BAZ2B: variants seen among roughly 807,000 people sequenced by gnomAD.
BAZ2B encodes the protein bromodomain adjacent to zinc finger domain 2B.
In BAZ2B, 91 loss-of-function variants were observed where a neutral mutation model predicts 246.0. The ratio of observed to expected loss-of-function variants is 0.37; its 90% confidence interval spans 0.31 to 0.44. BAZ2B has a LOEUF of 0.44. Among genes scored for constraint, BAZ2B ranks in the 20% least tolerant of loss-of-function variants. BAZ2B has a pLI of 1.00. For synonymous variants in BAZ2B, 855 were observed against 860.0 expected, an observed-to-expected ratio of 0.99 and a Z score of 0.10; for missense variants, 2,332 against 2,533.7, an observed-to-expected ratio of 0.92 and a Z score of 1.71.
At chr2:159,349,611 T>C (rs2058345111) in intron 28 of BAZ2B, 97 bp downstream of exon 28, 1 of 1,299,968 alleles carries the variant, frequency 7.7e-7, no homozygotes, top group African/African-American at 1.5e-5. Context: ...GCAGGAATAT[T>C]TTAACTATCT....
At chr2:159,597,360 A>G (rs1165321566) in intron 1 of BAZ2B, among the ~76,000 whole-genome samples, 3 of 152,152 alleles carry the variant, frequency 2.0e-5, no homozygotes, top group African/African-American at 7.2e-5. Flanking sequence ...TTCATCTTCA[A>G]TGTGAAAGGC....
chr2:159,507,258 A>C (rs775678412), intron 2 of BAZ2B, among the ~76,000 whole-genome samples: 62 of 152,290 alleles, frequency 4.1e-4, no homozygotes, highest in Admixed American at 1.5e-3. Context: ...CATTAAAGAG[A>C]AGTACAAAAC....
chr2:159,595,936 T>C (rs565366110), intron 1 of BAZ2B, among the ~76,000 whole-genome samples: 1 of 152,370 alleles, frequency 6.6e-6, no homozygotes, highest in East Asian at 1.9e-4. Flanking sequence ...CTTCCACCAC[T>C]TGGCTACGCT....
chr2:159,648,659 T>C, the BAZ2B span, among the ~76,000 whole-genome samples: 1 of 152,260 alleles, frequency 6.6e-6, no homozygotes, highest in African/African-American at 2.4e-5. Context: ...TTGTTCGTTC[T>C]CTTTTATTGC....
chr2:159,577,903 A>G (rs903898099), intron 1 of BAZ2B, among the ~76,000 whole-genome samples: 1 of 152,220 alleles, frequency 6.6e-6, no homozygotes, highest in Admixed American at 6.5e-5. Flanking sequence ...ATGAGAAAAG[A>G]ACTAGTTCAT....
chr2:159,362,354 G>T (rs1413601950), intron 27 of BAZ2B, among the ~76,000 whole-genome samples: 4 of 152,098 alleles, frequency 2.6e-5, no homozygotes, highest in Non-Finnish European at 4.4e-5. Context: ...AAGGTCCCTT[G>T]ATAATGTTTA....
At chr2:159,467,361 G>A (rs1057301052) in intron 3 of BAZ2B, among the ~76,000 whole-genome samples, 1 of 152,176 alleles carries the variant, frequency 6.6e-6, no homozygotes, top group Non-Finnish European at 1.5e-5. Context: ...TAGACTGAAG[G>A]TTTACCAAGA....
chr2:159,396,424 G>A (rs1362766911), intron 19 of BAZ2B: 1 of 152,000 alleles, frequency 6.6e-6, no homozygotes, highest in East Asian at 1.9e-4. Flanking sequence ...CACCACCAAT[G>A]AAATGGGATA....
chr2:159,663,405 G>C, the BAZ2B span, among the ~76,000 whole-genome samples: 4 of 151,540 alleles, frequency 2.6e-5, no homozygotes, highest in East Asian at 7.7e-4. Flanking sequence ...GTTTCACTAT[G>C]TTGGTCAGGC....
the BAZ2B span, among the ~76,000 whole-genome samples, chr2:159,697,121 G>A: frequency 6.6e-6 from 1 of 152,056 alleles, no homozygotes; most frequent in Non-Finnish European, 1.5e-5. Flanking sequence ...ATCTTTATTG[G>A]TTTTCAGAGG....
the BAZ2B span, among the ~76,000 whole-genome samples, chr2:159,647,682 C>T: frequency 6.6e-6 from 1 of 152,110 alleles, no homozygotes; most frequent in Non-Finnish European, 1.5e-5. Context: ...GACAACACAA[C>T]TACATGCTTT....
chr2:159,530,497 T>C (rs1484529346), intron 2 of BAZ2B, among the ~76,000 whole-genome samples: 1 of 152,192 alleles, frequency 6.6e-6, no homozygotes, highest in African/African-American at 2.4e-5. Context: ...AATGCAATAT[T>C]TCTACAAGAA....
At chr2:159,373,388 T>C (rs1000456507) in intron 26 of BAZ2B, among the ~76,000 whole-genome samples, 199 bp from the exon 27 acceptor site, 1 of 152,252 alleles carries the variant, frequency 6.6e-6, no homozygotes. Context: ...AGGATAATTA[T>C]TTTTGTTGCC....
intron 2 of BAZ2B, among the ~76,000 whole-genome samples, chr2:159,529,267 G>A (rs1189264919): frequency 1.3e-5 from 2 of 151,248 alleles, no homozygotes; most frequent in Non-Finnish European, 2.9e-5. Context: ...GGTACCACTG[G>A]TTTGGCAACA....
intron 18 of BAZ2B, 72 bp from the exon 19 acceptor site, chr2:159,397,461 C>A: frequency 2.0e-6 from 2 of 1,011,136 alleles, no homozygotes; most frequent in South Asian, 1.7e-5. Context: ...ATTAAAAGTT[C>A]CTTTTCTGAG....
At chr2:159,345,207 G>A (rs1456021209) in intron 31 of BAZ2B, among the ~76,000 whole-genome samples, 28 of 128,656 alleles carry the variant, frequency 2.2e-4, no homozygotes, top group African/African-American at 4.1e-4. Flanking sequence ...GTGAAACTTG[G>A]TCTCAAAAAA....
chr2:159,513,651 A>C (rs2083153439), intron 2 of BAZ2B, among the ~76,000 whole-genome samples: 1 of 152,110 alleles, frequency 6.6e-6, no homozygotes, highest in African/African-American at 2.4e-5. Flanking sequence ...CCCATCCAGA[A>C]ATCTTTTTGG....
intron 27 of BAZ2B, among the ~76,000 whole-genome samples, chr2:159,370,970 T>G (rs1176842759): frequency 1.3e-5 from 2 of 151,980 alleles, no homozygotes; most frequent in African/African-American, 4.8e-5. Context: ...CACACCCGGC[T>G]AATTTTTTTG....
At chr2:159,416,868 C>T (rs1315317396) in intron 13 of BAZ2B, among the ~76,000 whole-genome samples, 1 of 152,112 alleles carries the variant, frequency 6.6e-6, no homozygotes, top group East Asian at 1.9e-4. Context: ...AAATCTGAAA[C>T]TTATACAACA....
Sources: gnomAD v4.1 joint callset for allele counts (sites outside exome capture counted in the v4.1 genomes callset) on GRCh38, gnomAD v4.1.1 for gene constraint, MANE v1.5 for transcripts, NCBI Gene and HGNC (gene_info 2026-07-23, HGNC 2026-07-21) for gene names.